The following PCCA variants were observed in gnomAD, a reference collection of about 807,000 sequenced individuals.
PCCA encodes propionyl-CoA carboxylase subunit alpha, also known as propionyl-CoA carboxylase alpha chain, mitochondrial.
A neutral mutation model predicts 101.3 loss-of-function variants in PCCA; 74 were observed. The ratio of observed to expected loss-of-function variants is 0.73; its 90% CI spans 0.61 to 0.89. The LOEUF (loss-of-function observed/expected upper bound fraction) is 0.89, where lower values mean the gene tolerates loss of function less well. PCCA is among the 40% of genes least tolerant of loss of function. The pLI, the probability that PCCA is intolerant of heterozygous loss-of-function variation, is 0.00. For missense variants in PCCA, 891 were observed against 907.0 expected, an observed-to-expected ratio of 0.98 and a Z score of 0.23; for synonymous variants, 294 against 313.6, an observed-to-expected ratio of 0.94 and a Z score of 0.66.
At chr13:100,338,555 T>C (rs2152749014) in intron 17 of PCCA, among the ~76,000 whole-genome samples, 1 of 152,184 alleles carries the variant, frequency 6.6e-6, no homozygotes, top group East Asian at 1.9e-4. Flanking sequence ...CTGTATGTTT[T>C]GACAAGACTG....
At chr13:100,511,038 T>A (rs962493517) in intron 21 of PCCA, among the ~76,000 whole-genome samples, 2 of 152,196 alleles carry the variant, frequency 1.3e-5, no homozygotes, top group Non-Finnish European at 2.9e-5. Context: ...GATTGGGCCC[T>A]GTGCAGAAGT....
intron 20 of PCCA, among the ~76,000 whole-genome samples, chr13:100,438,486 C>T (rs2080106833): frequency 6.6e-6 from 1 of 152,100 alleles, no homozygotes; most frequent in South Asian, 2.1e-4. Flanking sequence ...CTCGTGAATG[C>T]CTCCTGATTC....
intron 6 of PCCA, among the ~76,000 whole-genome samples, chr13:100,190,642 T>C (rs949730555): frequency 6.6e-6 from 1 of 152,122 alleles, no homozygotes; most frequent in African/African-American, 2.4e-5. Context: ...GCTATTGCAC[T>C]CCAGCCTGGG....
At chr13:100,473,976 GA>G (rs1047334494) in intron 21 of PCCA, among the ~76,000 whole-genome samples, 1 of 152,138 alleles carries the variant, frequency 6.6e-6, no homozygotes, top group Non-Finnish European at 1.5e-5. Flanking sequence ...GGTTTCTGGA[GA>G]AAAAATGCAG....
intron 12 of PCCA, among the ~76,000 whole-genome samples, chr13:100,289,905 G>A (rs1032224772): frequency 6.6e-6 from 1 of 151,644 alleles, no homozygotes; most frequent in African/African-American, 2.4e-5. Flanking sequence ...TGAGATTTCT[G>A]CCCTAGTTCA....
chr13:100,350,352 T>C (rs1046914528), intron 18 of PCCA, among the ~76,000 whole-genome samples: 6 of 150,428 alleles, frequency 4.0e-5, no homozygotes, highest in African/African-American at 1.5e-4. Context: ...TAAAAAAAAA[T>C]AGCACTTTAA....
chr13:100,159,757 C>G (rs1042077927), intron 6 of PCCA, among the ~76,000 whole-genome samples: 8 of 152,188 alleles, frequency 5.3e-5, no homozygotes, highest in Admixed American at 5.2e-4. Context: ...TGACTGTGCG[C>G]TGCTCCCATG....
intron 19 of PCCA, among the ~76,000 whole-genome samples, chr13:100,390,344 AC>A (rs1400719875): frequency 6.6e-6 from 1 of 152,196 alleles, no homozygotes; most frequent in Non-Finnish European, 1.5e-5. Context: ...ACAATTTTAG[AC>A]ATAATTTTGA....
chr13:100,311,696 G>A (rs2066928016), intron 16 of PCCA, among the ~76,000 whole-genome samples: 1 of 152,172 alleles, frequency 6.6e-6, no homozygotes. Context: ...CTTGAACCCA[G>A]GAGGTGGAGG....
intron 4 of PCCA, among the ~76,000 whole-genome samples, chr13:100,143,931 A>T (rs902567489): frequency 1.1e-4 from 16 of 143,492 alleles, no homozygotes; most frequent in South Asian, 4.5e-4. Flanking sequence ...ATTAAGAGAA[A>T]TTTTTTTTTT....
At chr13:100,514,779 G>A (rs1412136204) in intron 21 of PCCA, among the ~76,000 whole-genome samples, 3 of 152,140 alleles carry the variant, frequency 2.0e-5, no homozygotes, top group Non-Finnish European at 2.9e-5. Flanking sequence ...AGTGCAGAAG[G>A]CTTTCTCATT....
intron 18 of PCCA, among the ~76,000 whole-genome samples, chr13:100,351,619 G>A (rs1470288393): frequency 6.6e-6 from 1 of 152,154 alleles, no homozygotes; most frequent in African/African-American, 2.4e-5. Flanking sequence ...AGATGTACTA[G>A]AATGAGATTA....
Position 100,314,290 on chromosome 13 carries a change from A to G in PCCA, c.1429+4382A>G, listed in dbSNP as rs992172292. 2.0e-5 allele frequency among the ~76,000 whole-genome samples: 3 copies of G among 152,170 alleles called. No individual in the cohort carries two copies. In the South Asian group the frequency reaches 6.2e-4, roughly 32 times the overall value. On this transcript the variant is annotated intron_variant, in intron 16 of 23. Transcript: ENST00000376285. ...GGCAAGGTGTTAGGAAGGGGTGCAGAGCATCCATGCCCTCTCCAGGTGCAC... is the reference window on the plus strand; with the variant it reads ...GGCAAGGTGTTAGGAAGGGGTGCAGGGCATCCATGCCCTCTCCAGGTGCAC...
intron 4 of PCCA, among the ~76,000 whole-genome samples, chr13:100,144,095 C>T (rs2052241013): frequency 6.6e-6 from 1 of 151,136 alleles, no homozygotes; most frequent in South Asian, 2.1e-4. Flanking sequence ...AAATTTCATA[C>T]CACTGCTTGG....
At chr13:100,142,471 C>G (rs996702850) in intron 4 of PCCA, among the ~76,000 whole-genome samples, 4 of 150,192 alleles carry the variant, frequency 2.7e-5, no homozygotes. Context: ...ATGAAATGAG[C>G]CTTCTTTTTT....
intron 17 of PCCA, 22 bp from the exon 18 acceptor site, chr13:100,340,135 T>C (rs769397658): frequency 2.6e-6 from 3 of 1,164,266 alleles, no homozygotes; most frequent in Non-Finnish European, 2.6e-6. Context: ...GATTGATTGA[T>C]TGGTTGATTG....
At chr13:100,337,932 T>A (rs2070747971) in intron 17 of PCCA, among the ~76,000 whole-genome samples, 1 of 152,226 alleles carries the variant, frequency 6.6e-6, no homozygotes, top group Non-Finnish European at 1.5e-5. Context: ...ATACTGTGTT[T>A]AAAGTGCTAT....
intron 5 of PCCA, among the ~76,000 whole-genome samples, 159 bp from the exon 6 acceptor site, chr13:100,157,128 C>T (rs2053967926): frequency 6.6e-6 from 1 of 152,140 alleles, no homozygotes; most frequent in Admixed American, 6.5e-5. Context: ...GATTCTGATC[C>T]TAGAAATGTG....
chr13:100,518,200 C>T (rs1305275144), intron 22 of PCCA, among the ~76,000 whole-genome samples: 1 of 152,146 alleles, frequency 6.6e-6, no homozygotes, highest in African/African-American at 2.4e-5. Context: ...AGTAATCTAT[C>T]ATGTTTCTGT....
Sources: gnomAD v4.1 joint callset for allele counts (sites outside exome capture counted in the v4.1 genomes callset) on GRCh38, gnomAD v4.1.1 for gene constraint, MANE v1.5 for transcripts, NCBI Gene and HGNC (gene_info 2026-07-23, HGNC 2026-07-21) for gene names.